RAD51B: variants seen among roughly 807,000 people sequenced by gnomAD.
RAD51B encodes RAD51 paralog B.
In RAD51B, 38 loss-of-function variants were observed where a neutral mutation model predicts 42.2. The ratio of observed to expected loss-of-function variants is 0.90; its 90% CI spans 0.70 to 1.18. The LOEUF (loss-of-function observed/expected upper bound fraction) is 1.18. Among genes scored for constraint, RAD51B ranks in the 50% most tolerant of loss-of-function variants. RAD51B has a pLI of 0.00. For missense variants in RAD51B, 373 were observed against 400.7 expected (o/e 0.93, Z 0.59); for synonymous variants, 154 against 145.2 (o/e 1.06, Z -0.43).
chr14:68,648,143 ATATACACACACG>A (rs1291646825), intron 10 of RAD51B, among the ~76,000 whole-genome samples: 5 of 120,988 alleles, frequency 4.1e-5, no homozygotes, highest in African/African-American at 1.6e-4. Context: ...GTATATATAT[ATATACACACACG>A]TATATATATA....
chr14:68,674,894 G>A (rs1249673295), intron 11 of RAD51B, among the ~76,000 whole-genome samples: 12 of 152,228 alleles, frequency 7.9e-5, no homozygotes, highest in Admixed American at 5.9e-4. Context: ...CCACCTGGAC[G>A]ATGGGCCGCT....
intron 7 of RAD51B, among the ~76,000 whole-genome samples, chr14:68,050,615 C>T (rs1437675944): frequency 6.6e-6 from 1 of 152,058 alleles, no homozygotes; most frequent in Admixed American, 6.5e-5. Context: ...TGTGTGTGCT[C>T]ACACATCGAC....
At chr14:68,291,770 T>A in intron 7 of RAD51B, 114 bp from the exon 8 acceptor site, 2 of 750,268 alleles carry the variant, frequency 2.7e-6, no homozygotes, top group Non-Finnish European at 4.5e-6. Flanking sequence ...ACCTGTGTAT[T>A]TATCAGTCTT....
Position 68,049,116 on chromosome 14 carries a change from C to T in RAD51B, c.756+161912C>T, listed in dbSNP as rs549185748. Among the ~76,000 whole-genome samples, 4 of 152,152 alleles carry T rather than the reference C, an allele frequency of 2.6e-5. No homozygotes were observed. In the South Asian group the frequency reaches 6.2e-4, roughly 24 times the overall value. On this transcript the variant is annotated intron_variant, in intron 7 of 10. Transcript: ENST00000471583. Reference sequence around the variant, plus strand: ...AGCAGACTACCGCAAGGACAAAAAACCAAACACTGCATGTTCTCACTCACA... The same window carrying T: ...AGCAGACTACCGCAAGGACAAAAAATCAAACACTGCATGTTCTCACTCACA...
intron 7 of RAD51B, among the ~76,000 whole-genome samples, chr14:68,052,661 C>G (rs1393459044): frequency 6.6e-6 from 1 of 151,794 alleles, no homozygotes; most frequent in East Asian, 1.9e-4. Context: ...CACTCTGTTG[C>G]CCAGGCTGGA....
At chr14:67,835,303 T>TTTA in intron 4 of RAD51B, 107 bp downstream of exon 4, 1 of 834,824 alleles carries the variant, frequency 1.2e-6, no homozygotes, top group Non-Finnish European at 2.0e-6. Flanking sequence ...GTAATCTGAA[T>TTTA]TAAATTATAA....
intron 4 of RAD51B, among the ~76,000 whole-genome samples, chr14:67,860,860 G>A (rs888050324): frequency 2.6e-5 from 4 of 152,186 alleles, no homozygotes; most frequent in Admixed American, 2.0e-4. Flanking sequence ...TGCAAAGAGA[G>A]TATTTCAGTA....
At chr14:68,636,268 A>G (rs1266105177) in intron 10 of RAD51B, among the ~76,000 whole-genome samples, 5 of 152,132 alleles carry the variant, frequency 3.3e-5, no homozygotes, top group Non-Finnish European at 7.4e-5. Context: ...CATTCAGATA[A>G]GTGTTCACTA....
chr14:68,042,035 G>A (rs1341280626), intron 7 of RAD51B, among the ~76,000 whole-genome samples: 2 of 152,212 alleles, frequency 1.3e-5, no homozygotes, highest in Non-Finnish European at 2.9e-5. Flanking sequence ...ACTGATGAAT[G>A]TAGCTGGCTA....
At chr14:68,653,150 G>A (rs567802537) in intron 11 of RAD51B, among the ~76,000 whole-genome samples, 1 of 152,212 alleles carries the variant, frequency 6.6e-6, no homozygotes, top group African/African-American at 2.4e-5. Context: ...CAGGTGGAGA[G>A]TATATAACTA....
chr14:68,240,713 C>T (rs17105239), intron 7 of RAD51B, among the ~76,000 whole-genome samples: 2 of 152,250 alleles, frequency 1.3e-5, no homozygotes, highest in African/African-American at 4.8e-5. Context: ...AGGACATTAG[C>T]CCAAGGAAAT....
At chr14:67,948,759 G>A (rs2074382574) in intron 7 of RAD51B, among the ~76,000 whole-genome samples, 1 of 151,260 alleles carries the variant, frequency 6.6e-6, no homozygotes, top group Non-Finnish European at 1.5e-5. Context: ...GTGAAACCCC[G>A]TTTCTACTAA....
At chr14:68,100,638 T>A (rs1441958423) in intron 7 of RAD51B, among the ~76,000 whole-genome samples, 1 of 152,162 alleles carries the variant, frequency 6.6e-6, no homozygotes, top group Non-Finnish European at 1.5e-5. Context: ...ACTCTTTTTT[T>A]CTCCGTGAAC....
intron 7 of RAD51B, among the ~76,000 whole-genome samples, chr14:68,226,102 G>A (rs1204496665): frequency 2.0e-5 from 3 of 152,124 alleles, no homozygotes; most frequent in Non-Finnish European, 2.9e-5. Context: ...ATCAAGTCAC[G>A]GGCAGTGTGA....
intron 7 of RAD51B, among the ~76,000 whole-genome samples, chr14:68,094,584 G>C (rs1445741816): frequency 6.6e-6 from 1 of 152,140 alleles, no homozygotes; most frequent in East Asian, 1.9e-4. Flanking sequence ...TTAAGTTTTT[G>C]CTTATGAAGG....
chr14:68,406,645 T>C (rs958620465), intron 8 of RAD51B, among the ~76,000 whole-genome samples: 2 of 152,180 alleles, frequency 1.3e-5, no homozygotes, highest in African/African-American at 4.8e-5. Context: ...TAGGCTATAT[T>C]CATTGATAGA....
chr14:68,316,613 C>G (rs186591986), intron 8 of RAD51B, among the ~76,000 whole-genome samples: 3 of 152,146 alleles, frequency 2.0e-5, no homozygotes, highest in African/African-American at 4.8e-5. Flanking sequence ...CTTTCCTTCT[C>G]GGCTGTGAGA....
intron 7 of RAD51B, among the ~76,000 whole-genome samples, chr14:68,114,308 G>A (rs2140598043): frequency 6.6e-6 from 1 of 152,166 alleles, no homozygotes; most frequent in East Asian, 1.9e-4. Flanking sequence ...TTAAGGTGAA[G>A]TTGGATTATT....
intron 8 of RAD51B, among the ~76,000 whole-genome samples, chr14:68,376,080 C>T (rs950884236): frequency 6.6e-6 from 1 of 152,132 alleles, no homozygotes; most frequent in African/African-American, 2.4e-5. Context: ...CTGTTGGGGC[C>T]ACTTAAGGAT....
Sources: allele counts gnomAD v4.1 joint callset (sites outside exome capture counted in the v4.1 genomes callset), GRCh38; gene constraint gnomAD v4.1.1; transcripts MANE v1.5; gene names NCBI Gene and HGNC (gene_info 2026-07-23, HGNC 2026-07-21).